The following DLGAP1 variants were observed in gnomAD, a reference collection of about 807,000 sequenced individuals.
DLGAP1 encodes DLG associated protein 1.
In DLGAP1, 11 loss-of-function variants were observed where a neutral mutation model predicts 90.8. The ratio of observed to expected loss-of-function variants is 0.12; its 90% CI spans 0.08 to 0.20. DLGAP1 has a LOEUF of 0.20. Among genes scored for constraint, DLGAP1 ranks in the 10% least tolerant of loss-of-function variants. The pLI is 1.00. For missense variants in DLGAP1, 1,050 were observed against 1,333.8 expected (o/e 0.79, Z 3.31); for synonymous variants, 558 against 540.7 (o/e 1.03, Z -0.44).
intron 2 of DLGAP1, among the ~76,000 whole-genome samples, chr18:4,126,090 A>G (rs2076229243): frequency 6.6e-6 from 1 of 152,212 alleles, no homozygotes; most frequent in African/African-American, 2.4e-5. Flanking sequence ...GGAAGCTTGC[A>G]ATTTGAAGCA....
chr18:4,317,648 C>T (rs180726644), intron 1 of DLGAP1, among the ~76,000 whole-genome samples: 1 of 152,274 alleles, frequency 6.6e-6, no homozygotes, highest in East Asian at 1.9e-4. Flanking sequence ...CACCCAGAAA[C>T]TTGTTTCTAT....
In DLGAP1 at chr18:3,902,074, T is replaced by A. The variant is rs192942783; in HGVS notation, c.-72-21934A>T. ...AGAGCACAGAACCTCAATACCAGCATTGAATTTCACAGTGAGAAAGTTATT... is the reference window on the plus strand; with the variant it reads ...AGAGCACAGAACCTCAATACCAGCAATGAATTTCACAGTGAGAAAGTTATT... On this transcript the variant is annotated intron_variant, in intron 3 of 12. Transcript: ENST00000315677. Among the ~76,000 whole-genome samples, 40 of 152,326 alleles carry A rather than the reference T, an allele frequency of 2.6e-4. No homozygotes were observed. In the South Asian group the frequency reaches 8.3e-3, roughly 32 times the overall value.
chr18:4,143,013 GAC>G (rs1389628208), intron 2 of DLGAP1, among the ~76,000 whole-genome samples: 1 of 152,172 alleles, frequency 6.6e-6, no homozygotes, highest in Non-Finnish European at 1.5e-5. Context: ...GGAGAGAGGT[GAC>G]ACAAGCTCAC....
At chr18:3,738,960 G>T (rs2062778725) in intron 6 of DLGAP1, among the ~76,000 whole-genome samples, 1 of 150,272 alleles carries the variant, frequency 6.7e-6, no homozygotes, top group South Asian at 2.1e-4. Context: ...CAAAAAGTGG[G>T]CGAAGGACAT....
At position 3,869,154 on chromosome 18, in the gene DLGAP1, G is replaced by GTTTTT. The variant is rs71368714; in HGVS notation, c.957+9953_957+9957dup. Among the ~76,000 whole-genome samples, 357 of 141,910 alleles carry GTTTTT rather than the reference G, an allele frequency of 2.5e-3. 2 individuals are homozygous for GTTTTT. The highest frequency in any genetic ancestry group is 8.5e-3 in the African/African-American group (332 of 39,170). 93.1% of individuals were successfully genotyped at this position (141,910 alleles called of 152,430 possible). On this transcript the variant is annotated intron_variant, in intron 4 of 12. Coordinates refer to ENST00000315677, the MANE Select transcript of DLGAP1 (RefSeq NM_004746.4). ...GAAAACAAAAGCAAGTGTGTATTGC[G>GTTTTT]TTTTTTTTTTTTTTCCCTGTATGAA... is the stretch of plus-strand genomic sequence containing the variant.
At chr18:3,647,440 C>G (rs16945161) in intron 7 of DLGAP1, among the ~76,000 whole-genome samples, 13,412 of 150,514 alleles carry the variant, frequency 0.089, 1,111 homozygotes, top group African/African-American at 0.22. Flanking sequence ...TTACTAGGTA[C>G]TTCAACATTA....
At chr18:3,731,170 G>A (rs957970846) in intron 6 of DLGAP1, among the ~76,000 whole-genome samples, 2 of 151,946 alleles carry the variant, frequency 1.3e-5, no homozygotes, top group South Asian at 4.1e-4. Context: ...ATGTATGGGT[G>A]TATATATAGA....
In DLGAP1 at chr18:4,362,855, G is replaced by A. The variant is rs554338593; in HGVS notation, c.-267+92151C>T. On this transcript the variant is annotated intron_variant, in intron 1 of 12. Transcript: ENST00000315677. ...AAGCAACTGAAAGGCATTTAATCAA[G>A]AGAAAATACTGAACTTTGGCTAAGA... Among the ~76,000 whole-genome samples, 3 of 152,134 alleles carry A rather than the reference G, an allele frequency of 2.0e-5. No individual in the cohort carries two copies. The East Asian group carries it at 5.8e-4, about 30-fold the overall frequency.
chr18:3,677,994 C>T (rs1445353130), intron 7 of DLGAP1, among the ~76,000 whole-genome samples: 3 of 132,868 alleles, frequency 2.3e-5, no homozygotes, highest in Admixed American at 1.7e-4. Context: ...TGGAGTCTAG[C>T]TCTGTCGCCC....
chr18:4,047,934 C>T (rs1336644464), intron 2 of DLGAP1, among the ~76,000 whole-genome samples: 1 of 152,112 alleles, frequency 6.6e-6, no homozygotes. Context: ...TAGCTGGGGC[C>T]ACAGGTGCAT....
chr18:4,206,758 T>C (rs1450711882), intron 1 of DLGAP1, among the ~76,000 whole-genome samples: 1 of 152,198 alleles, frequency 6.6e-6, no homozygotes, highest in African/African-American at 2.4e-5. Context: ...CTAAATTCTG[T>C]TACCTTCATT....
At chr18:4,060,870 T>C (rs894988623) in intron 2 of DLGAP1, among the ~76,000 whole-genome samples, 3 of 152,170 alleles carry the variant, frequency 2.0e-5, no homozygotes, top group South Asian at 2.1e-4. Context: ...ATATGATCTA[T>C]GTAAGTCATG....
intron 3 of DLGAP1, among the ~76,000 whole-genome samples, chr18:3,942,717 C>G (rs2072794283): frequency 6.6e-6 from 1 of 152,182 alleles, no homozygotes; most frequent in Non-Finnish European, 1.5e-5. Context: ...TGGGCTTTTG[C>G]TTTCCTGGAG....
rs767817797 is a variant in DLGAP1 at position 3,880,003 on chromosome 18, C to T, written c.66G>A (p.Ser22=). ...GCTTGCGGTCGGAGTGGTGCGACAGCGAGTCACAGGCCGAGTCGCAGGTGA... is the reference window on the plus strand; with the variant it reads ...GCTTGCGGTCGGAGTGGTGCGACAGTGAGTCACAGGCCGAGTCGCAGGTGA... ...HGVTCDSACD[S]LSHHSDRKPY... The change falls in exon 4 of 13, where the codon TCG becomes TCA. Residue 22 remains serine, a synonymous_variant. Coordinates refer to ENST00000315677, the MANE Select transcript of DLGAP1 (RefSeq NM_004746.4). 1.1e-5 allele frequency: 17 copies of T among 1,610,224 alleles called. No homozygotes were observed. The highest frequency in any genetic ancestry group is 1.2e-5 in the Non-Finnish European group (14 of 1,179,918).
rs9963455 is a variant in DLGAP1, at chr18:4,083,300, G to T, written c.-159+67880C>A. ...GTAATATTTTGTTTTAATTTCTGCT[G>T]GTTACATTAGGGACAAAGCACTTCT... On this transcript the variant is annotated intron_variant, in intron 2 of 12. Transcript: ENST00000315677. Among the ~76,000 whole-genome samples the T allele has an allele frequency of 7.2e-5, 11 of 152,068 alleles. 1 individual carries two copies. Among genetic ancestry groups the T allele is most frequent in the Admixed American group, 2.6e-4 (4 of 15,294 alleles).
At chr18:4,364,933 C>A (rs1242491557) in intron 1 of DLGAP1, among the ~76,000 whole-genome samples, 1 of 152,112 alleles carries the variant, frequency 6.6e-6, no homozygotes, top group Admixed American at 6.5e-5. Context: ...CATACAGGAG[C>A]AAGTTATTCA....
At position 3,985,845 on chromosome 18, in the gene DLGAP1, T is replaced by G. The variant is rs375897928; in HGVS notation, c.-73+19271A>C. On this transcript the variant is annotated intron_variant, in intron 3 of 12. Coordinates refer to ENST00000315677, the MANE Select transcript of DLGAP1 (RefSeq NM_004746.4). ...TGCACTTCATTTTAAGGCATACACT[T>G]AAATGAATTTTCTCCCATGCCTCTC... is the stretch of plus-strand genomic sequence containing the variant. Among the ~76,000 whole-genome samples the G allele has an allele frequency of 6.6e-5, 10 of 152,278 alleles. 1 individual carries two copies. The highest frequency in any genetic ancestry group is 6.2e-4 in the South Asian group (3 of 4,822).
intron 3 of DLGAP1, chr18:3,885,275 G>T (rs550461705): frequency 1.3e-5 from 2 of 152,058 alleles, no homozygotes; most frequent in Non-Finnish European, 1.5e-5. Context: ...GGTACCACTT[G>T]CTGCCACCTG....
chr18:4,223,468 G>C (rs2078121210), intron 1 of DLGAP1, among the ~76,000 whole-genome samples: 1 of 152,032 alleles, frequency 6.6e-6, no homozygotes, highest in Admixed American at 6.6e-5. Flanking sequence ...GTATCAGTGG[G>C]TACTCACAAC....
Sources: allele counts gnomAD v4.1 joint callset (sites outside exome capture counted in the v4.1 genomes callset), GRCh38; gene constraint gnomAD v4.1.1; transcripts MANE v1.5; gene names NCBI Gene and HGNC (gene_info 2026-07-23, HGNC 2026-07-21).